SNX29: variants seen among roughly 807,000 people sequenced by gnomAD.
SNX29 encodes sorting nexin-29.
SNX29 carries 78 observed loss-of-function variants against 102.1 expected under a neutral mutation model. The ratio of observed to expected loss-of-function variants is 0.76; its 90% confidence interval spans 0.64 to 0.92. The LOEUF is 0.92. SNX29 is among the 40% of genes least tolerant of loss of function. The pLI, the probability that SNX29 is intolerant of heterozygous loss-of-function variation, is 0.00. For missense variants in SNX29, 1,280 were observed against 1,061.7 expected (o/e 1.21, Z -2.86); for synonymous variants, 580 against 414.5 (o/e 1.40, Z -4.85).
chr16:12,057,334 T>A (rs2050561603), intron 8 of SNX29, among the ~76,000 whole-genome samples: 1 of 152,216 alleles, frequency 6.6e-6, no homozygotes, highest in Non-Finnish European at 1.5e-5. Context: ...AAGATCTTGC[T>A]GTCAGTGAGT....
intron 19 of SNX29, among the ~76,000 whole-genome samples, chr16:12,518,944 T>G (rs2151943005): frequency 6.6e-6 from 1 of 152,300 alleles, no homozygotes; most frequent in South Asian, 2.1e-4. Context: ...GATGCATTTC[T>G]GGGGCCTCGG....
At chr16:12,398,185 T>G (rs1377531820) in intron 16 of SNX29, among the ~76,000 whole-genome samples, 1 of 152,208 alleles carries the variant, frequency 6.6e-6, no homozygotes, top group Admixed American at 6.5e-5. Context: ...TACATGCCTG[T>G]GATTATCTCA....
chr16:12,111,116 T>G (rs1348766193), intron 11 of SNX29, among the ~76,000 whole-genome samples: 1 of 152,186 alleles, frequency 6.6e-6, no homozygotes, highest in Non-Finnish European at 1.5e-5. Flanking sequence ...AGTGTTTTTC[T>G]GAGGGGGCCA....
rs1047207628 is a variant in SNX29, at chr16:12,572,440, T to C, written c.*3811T>C. ...CCAGGCCGGCAGTGGCTGCCTCTCT[T>C]GGTTCTGCATGGTACATTTTGCCAA... On this transcript the variant is annotated 3_prime_UTR_variant, in exon 21 of 21. Transcript: ENST00000566228. 5.6e-6 allele frequency: 6 copies of C among 1,062,848 alleles called. No individual in the cohort carries two copies. The highest frequency in any genetic ancestry group is 5.4e-5 in the Admixed American group (1 of 18,636). 65.8% of individuals were successfully genotyped at this position (1,062,848 alleles called of 1,614,324 possible). A position where few individuals can be genotyped will look rare whatever the true frequency, so the allele number is the denominator to read the frequency against.
chr16:12,205,529 G>T (rs1240316535), intron 14 of SNX29, among the ~76,000 whole-genome samples: 2 of 152,030 alleles, frequency 1.3e-5, no homozygotes, highest in Non-Finnish European at 2.9e-5. Flanking sequence ...TGGCCTTTAG[G>T]CTGATCCTCA....
chr16:12,415,863 A>C (rs568386385), intron 18 of SNX29, among the ~76,000 whole-genome samples: 46 of 152,036 alleles, frequency 3.0e-4, no homozygotes, highest in Non-Finnish European at 5.3e-4. Context: ...ATTTTTAGGG[A>C]TGTTGGAAAG....
At chr16:12,367,003 A>G (rs930305182) in intron 16 of SNX29, 1 of 152,024 alleles carries the variant, frequency 6.6e-6, no homozygotes, top group Non-Finnish European at 1.5e-5. Flanking sequence ...ATTGCCATTC[A>G]TTACAATTGC....
intron 15 of SNX29, among the ~76,000 whole-genome samples, chr16:12,309,397 TC>T (rs2080456757): frequency 6.6e-6 from 1 of 152,176 alleles, no homozygotes; most frequent in Non-Finnish European, 1.5e-5. Context: ...CAGTTATTTA[TC>T]CCTCTGGAAG....
At chr16:12,347,350 G>A (rs1044036291) in intron 15 of SNX29, among the ~76,000 whole-genome samples, 1 of 152,094 alleles carries the variant, frequency 6.6e-6, no homozygotes, top group African/African-American at 2.4e-5. Context: ...ATCAGGGCAA[G>A]CCTGAATAAC....
rs541350755 is a variant in SNX29, at chr16:12,190,724, A to T, written c.1596-8877A>T. The stretch of plus-strand genomic sequence containing the variant: ...GGAGGTCTGAGGCTGTATTAGGTGG[A>T]TGTCTCAGCTGCTCTGGGAGCCCTG... On this transcript the variant is annotated intron_variant, in intron 13 of 20. Coordinates refer to ENST00000566228, the MANE Select transcript of SNX29 (RefSeq NM_032167.5). 5.3e-5 allele frequency among the ~76,000 whole-genome samples: 8 copies of T among 152,218 alleles called. No individual in the cohort carries two copies. In the East Asian group the frequency reaches 1.5e-3, roughly 29 times the overall value.
At chr16:12,199,044 G>C (rs2076849187) in intron 13 of SNX29, among the ~76,000 whole-genome samples, 1 of 152,162 alleles carries the variant, frequency 6.6e-6, no homozygotes, top group Non-Finnish European at 1.5e-5. Flanking sequence ...TGGATGTGGA[G>C]TTGGTCCAAC....
At chr16:12,381,002 A>T (rs1364336301) in intron 16 of SNX29, among the ~76,000 whole-genome samples, 1 of 64,990 alleles carries the variant, frequency 1.5e-5, no homozygotes. Flanking sequence ...CCCACCCACC[A>T]TCCATCCACC....
intron 18 of SNX29, among the ~76,000 whole-genome samples, chr16:12,471,075 T>A (rs970433983): frequency 1.3e-5 from 2 of 152,188 alleles, no homozygotes; most frequent in African/African-American, 4.8e-5. Context: ...TTCTGCCTCT[T>A]GCAGGAGCAC....
chr16:12,070,874 G>GT (rs2051263115), intron 10 of SNX29, among the ~76,000 whole-genome samples: 4 of 152,240 alleles, frequency 2.6e-5, no homozygotes, highest in Admixed American at 2.6e-4. Flanking sequence ...TCTAACTGGT[G>GT]TGAGATGGTA....
intron 16 of SNX29, among the ~76,000 whole-genome samples, chr16:12,385,711 C>T (rs772931846): frequency 1.3e-5 from 2 of 152,228 alleles, no homozygotes; most frequent in Non-Finnish European, 2.9e-5. Context: ...TTAGCTATAT[C>T]GACAACTGAC....
Position 12,085,943 on chromosome 16 carries a change from A to G in SNX29, c.1402+7028A>G, listed in dbSNP as rs577711244. Among the ~76,000 whole-genome samples the G allele has an allele frequency of 5.7e-4, 87 of 151,868 alleles. 1 individual carries two copies. The highest frequency in any genetic ancestry group is 5.7e-3 in the Admixed American group (87 of 15,260). ...TGTGTGCCAGACATGGTGTCTAGCT[A>G]TAGTAAGTGGTGAATCTGTGAGAGA... On this transcript the variant is annotated intron_variant, in intron 11 of 20. Transcript: ENST00000566228.
chr16:12,362,296 C>T (rs2082322425), intron 16 of SNX29, among the ~76,000 whole-genome samples: 1 of 151,674 alleles, frequency 6.6e-6, no homozygotes, highest in Non-Finnish European at 1.5e-5. Flanking sequence ...GCCTGGAAGG[C>T]TGGCTGGCAG....
intron 13 of SNX29, among the ~76,000 whole-genome samples, chr16:12,158,873 A>T (rs1460146615): frequency 6.6e-6 from 1 of 152,196 alleles, no homozygotes; most frequent in Non-Finnish European, 1.5e-5. Context: ...CTTCTGTCCC[A>T]CTTTCTCTAG....
chr16:12,464,761 T>A (rs560633696), intron 18 of SNX29, among the ~76,000 whole-genome samples: 1 of 152,346 alleles, frequency 6.6e-6, no homozygotes, highest in Admixed American at 6.5e-5. Flanking sequence ...TGTCTTATTT[T>A]CTTTAGATAT....
Sources: allele counts gnomAD v4.1 joint callset (sites outside exome capture counted in the v4.1 genomes callset), GRCh38; gene constraint gnomAD v4.1.1; transcripts MANE v1.5; gene names NCBI Gene and HGNC (gene_info 2026-07-23, HGNC 2026-07-21).